The following TLCD4 variants were observed in gnomAD, a reference collection of about 807,000 sequenced individuals.
TLCD4 encodes the protein TLC domain-containing protein 4.
Under a neutral mutation model 24.2 loss-of-function variants are expected in TLCD4, and 7 were observed. The observed-to-expected ratio is 0.29, with a 90% CI of 0.16 to 0.54. The LOEUF (loss-of-function observed/expected upper bound fraction) is 0.54, where lower values mean the gene tolerates loss of function less well. Among genes scored for constraint, TLCD4 ranks in the 20% least tolerant of loss-of-function variants. The probability of loss-of-function intolerance (pLI) is 0.95; values close to 1 mark genes in which losing one functional copy is unlikely to be tolerated. For missense variants in TLCD4, 259 were observed against 313.9 expected (o/e 0.82, Z 1.32); for synonymous variants, 103 against 106.4 (o/e 0.97, Z 0.20).
At chr1:95,128,407 T>C (rs1230355164) in intron 1 of TLCD4, among the ~76,000 whole-genome samples, 1 of 152,262 alleles carries the variant, frequency 6.6e-6, no homozygotes, top group African/African-American at 2.4e-5. Context: ...ATGTCAGATT[T>C]AATTTATTTT....
At chr1:95,123,841 C>G (rs550652870) in intron 1 of TLCD4, among the ~76,000 whole-genome samples, 9 of 152,296 alleles carry the variant, frequency 5.9e-5, no homozygotes, top group South Asian at 4.1e-4. Context: ...GATAAACACT[C>G]TTATAAATAC....
At chr1:95,107,412 G>C in the TLCD4 span, among the ~76,000 whole-genome samples, 1 of 152,168 alleles carries the variant, frequency 6.6e-6, no homozygotes, top group Admixed American at 6.5e-5. Flanking sequence ...GACAGAGCAA[G>C]ACTCTGTCTT....
At chr1:95,122,721 G>C (rs920919974) in intron 1 of TLCD4, among the ~76,000 whole-genome samples, 1 of 152,094 alleles carries the variant, frequency 6.6e-6, no homozygotes, top group Non-Finnish European at 1.5e-5. Context: ...GCAAACTCTA[G>C]GAAAAACTGC....
At chr1:95,139,240 A>G (rs915324609) in intron 1 of TLCD4, among the ~76,000 whole-genome samples, 4 of 151,320 alleles carry the variant, frequency 2.6e-5, no homozygotes, top group Non-Finnish European at 4.4e-5. Context: ...ATTACTGTGA[A>G]TGGAGCTTGC....
At chr1:95,143,666 T>C (rs1440101769) in intron 1 of TLCD4, among the ~76,000 whole-genome samples, 1 of 152,108 alleles carries the variant, frequency 6.6e-6, no homozygotes, top group Non-Finnish European at 1.5e-5. Context: ...AAATGACACC[T>C]CTAATATTGA....
intron 6 of TLCD4, among the ~76,000 whole-genome samples, chr1:95,181,855 G>A (rs188899080): frequency 4.6e-5 from 7 of 151,962 alleles, no homozygotes; most frequent in African/African-American, 7.3e-5. Flanking sequence ...TCCTGACCTC[G>A]TGATCCACCC....
upstream of TLCD4, among the ~76,000 whole-genome samples, chr1:95,113,388 G>A (rs1445201518): frequency 6.6e-6 from 1 of 152,152 alleles, no homozygotes; most frequent in African/African-American, 2.4e-5. Flanking sequence ...TGGTTATGTT[G>A]CAAGGAAGCA....
chr1:95,182,947 A>G (rs1678699190), intron 6 of TLCD4, among the ~76,000 whole-genome samples: 1 of 152,216 alleles, frequency 6.6e-6, no homozygotes, highest in Admixed American at 6.5e-5. Flanking sequence ...GTATAGGATC[A>G]AAGAGTATGT....
At chr1:95,133,539 G>C (rs555463919) in intron 1 of TLCD4, among the ~76,000 whole-genome samples, 2 of 152,282 alleles carry the variant, frequency 1.3e-5, no homozygotes, top group African/African-American at 2.4e-5. Context: ...AGTTACAGAT[G>C]GAGGTAGTTT....
chr1:95,148,557 A>G, intron 2 of TLCD4, 145 bp from the exon 3 acceptor site: 1 of 1,088,294 alleles, frequency 9.2e-7, no homozygotes, highest in Non-Finnish European at 1.2e-6. Flanking sequence ...AGAAATGGCA[A>G]TTTTGCATTA....
intron 5 of TLCD4, chr1:95,163,907 G>C (rs193274407): frequency 1.3e-5 from 2 of 152,480 alleles, no homozygotes; most frequent in Non-Finnish European, 2.9e-5. Flanking sequence ...GTGTCAGTCG[G>C]CCCCTACTGG....
At chr1:95,108,747 A>G in the TLCD4 span, among the ~76,000 whole-genome samples, 1 of 152,158 alleles carries the variant, frequency 6.6e-6, no homozygotes, top group African/African-American at 2.4e-5. Flanking sequence ...CCATTTATTC[A>G]AGTGTCCATC....
At chr1:95,159,589 G>A (rs1039646854) in intron 5 of TLCD4, among the ~76,000 whole-genome samples, 28 of 152,162 alleles carry the variant, frequency 1.8e-4, no homozygotes, top group Non-Finnish European at 2.1e-4. Context: ...CCATGCCTAT[G>A]TCCTGAATGG....
chr1:95,186,229 A>G (rs953283166), intron 6 of TLCD4, among the ~76,000 whole-genome samples: 10 of 152,200 alleles, frequency 6.6e-5, no homozygotes, highest in Non-Finnish European at 1.3e-4. Flanking sequence ...ATAGAGGTGA[A>G]TAGCAGAGAG....
chr1:95,130,867 CT>C (rs1030804225), intron 1 of TLCD4, among the ~76,000 whole-genome samples: 1 of 152,138 alleles, frequency 6.6e-6, no homozygotes, highest in Non-Finnish European at 1.5e-5. Context: ...TATAATGGTA[CT>C]TTTTGCTGTT....
intron 1 of TLCD4, among the ~76,000 whole-genome samples, chr1:95,126,861 T>G (rs770008215): frequency 9.9e-5 from 15 of 152,250 alleles, no homozygotes; most frequent in Middle Eastern, 3.4e-3. Flanking sequence ...TTGTATTCTC[T>G]TTGTCAGCAG....
chr1:95,146,242 T>A (rs1359168778), intron 2 of TLCD4, among the ~76,000 whole-genome samples: 2 of 152,130 alleles, frequency 1.3e-5, no homozygotes, highest in Non-Finnish European at 2.9e-5. Flanking sequence ...GAAATTGTTG[T>A]ACTGAATTGT....
At chr1:95,127,616 T>C (rs1259257332) in intron 1 of TLCD4, among the ~76,000 whole-genome samples, 1 of 152,222 alleles carries the variant, frequency 6.6e-6, no homozygotes, top group Non-Finnish European at 1.5e-5. Context: ...AATAAGTACA[T>C]TAGATGCCAG....
upstream of TLCD4, among the ~76,000 whole-genome samples, chr1:95,114,146 A>G (rs1676388317): frequency 6.6e-6 from 1 of 152,138 alleles, no homozygotes; most frequent in Admixed American, 6.5e-5. Context: ...TGCAGCCTCC[A>G]ACTCCTGGTC....
Sources: allele counts gnomAD v4.1 joint callset (sites outside exome capture counted in the v4.1 genomes callset), GRCh38; gene constraint gnomAD v4.1.1; transcripts MANE v1.5; gene names NCBI Gene and HGNC (gene_info 2026-07-23, HGNC 2026-07-21).